GPC5: variants seen among roughly 807,000 people sequenced by gnomAD.
GPC5 encodes glypican 5, also known as glypican-5.
A neutral mutation model predicts 53.9 loss-of-function variants in GPC5; 47 were observed. The observed-to-expected ratio is 0.87, with a 90% CI of 0.69 to 1.11. The LOEUF is 1.11. Among genes scored for constraint, GPC5 ranks in the 50% most tolerant of loss-of-function variants. The pLI, the probability that GPC5 is intolerant of heterozygous loss-of-function variation, is 0.00. For synonymous variants in GPC5, 286 were observed against 263.3 expected (o/e 1.09, Z -0.84); for missense variants, 748 against 713.1 (o/e 1.05, Z -0.56).
At chr13:92,284,351 A>G (rs543225456) in intron 7 of GPC5, among the ~76,000 whole-genome samples, 5 of 152,198 alleles carry the variant, frequency 3.3e-5, no homozygotes, top group African/African-American at 9.7e-5. Context: ...AACTATTCCA[A>G]TCATTAGAAA....
At chr13:92,676,495 T>C (rs1886943031) in intron 7 of GPC5, among the ~76,000 whole-genome samples, 2 of 152,276 alleles carry the variant, frequency 1.3e-5, no homozygotes, top group South Asian at 4.1e-4. Context: ...CAAGATTTCT[T>C]CAAATAAAGA....
At chr13:91,650,750 G>GTTTTTTTTTTTTTTTGTTTTTTTTTT (rs2034683316) in intron 2 of GPC5, among the ~76,000 whole-genome samples, 1 of 99,642 alleles carries the variant, frequency 1.0e-5, no homozygotes, top group African/African-American at 4.1e-5. Flanking sequence ...ATTCCCATAA[G>GTTTTTTTTTTTTTTTGTTTTTTTTTT]TTTTTTTTTT....
chr13:91,815,106 C>T (rs1280380737), intron 5 of GPC5, among the ~76,000 whole-genome samples: 3 of 152,184 alleles, frequency 2.0e-5, no homozygotes, highest in South Asian at 2.1e-4. Context: ...TGGCTCACAC[C>T]TGTAATCCCA....
intron 7 of GPC5, among the ~76,000 whole-genome samples, chr13:92,238,192 T>G (rs1459015118): frequency 1.3e-5 from 2 of 151,982 alleles, no homozygotes; most frequent in Non-Finnish European, 2.9e-5. Context: ...AGTAGAATTT[T>G]TGGGTCATGT....
In GPC5 at chr13:91,774,803, T is replaced by A. The variant is rs537015952; in HGVS notation, c.1280+18383T>A. Among the ~76,000 whole-genome samples the A allele has an allele frequency of 2.0e-5, 3 of 152,344 alleles. No homozygotes were observed. The South Asian group carries it at 6.2e-4, about 32-fold the overall frequency. The stretch of plus-strand genomic sequence containing the variant: ...CTGCAATTTGTGTTTCATTGCTTCC[T>A]GGTGGGATCAGAGGAGACTTGACTC... On this transcript the variant is annotated intron_variant, in intron 5 of 7. Transcript: ENST00000377067.
chr13:91,621,761 T>TATATATAGATATATATA (rs11462875), intron 2 of GPC5, among the ~76,000 whole-genome samples: 2 of 46,866 alleles, frequency 4.3e-5, no homozygotes, highest in African/African-American at 1.1e-4. Context: ...GGACAGAACA[T>TATATATAGATATATATA]TATATATATA....
At chr13:92,789,005 A>T (rs1876363827) in intron 7 of GPC5, among the ~76,000 whole-genome samples, 1 of 152,166 alleles carries the variant, frequency 6.6e-6, no homozygotes, top group Non-Finnish European at 1.5e-5. Flanking sequence ...AGTGTATGGC[A>T]CACCTCTTAG....
intron 7 of GPC5, among the ~76,000 whole-genome samples, chr13:92,219,497 C>T (rs1355294129): frequency 2.0e-5 from 3 of 152,078 alleles, no homozygotes; most frequent in Non-Finnish European, 4.4e-5. Context: ...AAAGGAAAAC[C>T]CCTACTTTCC....
At chr13:92,391,951 C>T (rs916146634) in intron 7 of GPC5, among the ~76,000 whole-genome samples, 2 of 152,100 alleles carry the variant, frequency 1.3e-5, no homozygotes, top group African/African-American at 4.8e-5. Context: ...ATTACCCCGG[C>T]TTTAATGACT....
At chr13:91,841,411 C>T (rs1399199828) in intron 5 of GPC5, among the ~76,000 whole-genome samples, 2 of 149,892 alleles carry the variant, frequency 1.3e-5, no homozygotes, top group Non-Finnish European at 3.0e-5. Flanking sequence ...CTTTTGGGTT[C>T]GAGGTAGAAA....
At chr13:92,835,825 C>T (rs921843703) in intron 7 of GPC5, among the ~76,000 whole-genome samples, 3 of 151,876 alleles carry the variant, frequency 2.0e-5, no homozygotes, top group South Asian at 2.1e-4. Flanking sequence ...TCCATGACAC[C>T]CCTCTTGCCT....
chr13:92,719,167 G>GC (rs34229037), intron 7 of GPC5, among the ~76,000 whole-genome samples: 2,736 of 147,406 alleles, frequency 0.019, 56 homozygotes, highest in South Asian at 0.085. Flanking sequence ...GATTCCTATA[G>GC]CCCCCCCCCA....
chr13:92,862,787 T>A (rs1278210135), intron 7 of GPC5, among the ~76,000 whole-genome samples: 2 of 152,166 alleles, frequency 1.3e-5, no homozygotes, highest in Non-Finnish European at 2.9e-5. Context: ...ACGAGCAAAT[T>A]AACAATGTAT....
At chr13:91,922,973 A>G (rs938648323) in intron 6 of GPC5, among the ~76,000 whole-genome samples, 3 of 152,110 alleles carry the variant, frequency 2.0e-5, no homozygotes, top group Non-Finnish European at 2.9e-5. Flanking sequence ...GAATTCTGGG[A>G]TCGTAAGGTC....
chr13:92,679,346 T>C (rs757005311), intron 7 of GPC5, among the ~76,000 whole-genome samples: 8 of 152,236 alleles, frequency 5.3e-5, no homozygotes, highest in Non-Finnish European at 2.9e-5. Context: ...TTTAATTCCC[T>C]ATAAAATTCC....
intron 7 of GPC5, among the ~76,000 whole-genome samples, chr13:92,422,140 T>A (rs1000127697): frequency 1.3e-5 from 2 of 150,134 alleles, no homozygotes; most frequent in African/African-American, 4.9e-5. Context: ...CCATTTTTTT[T>A]CAAGCCCTGC....
At chr13:92,381,577 T>TG (rs1292364326) in intron 7 of GPC5, among the ~76,000 whole-genome samples, 3 of 151,698 alleles carry the variant, frequency 2.0e-5, no homozygotes, top group Admixed American at 6.6e-5. Context: ...ACAACTACTA[T>TG]GGGAAACAAC....
intron 5 of GPC5, among the ~76,000 whole-genome samples, chr13:91,889,152 G>A (rs563206760): frequency 6.6e-6 from 1 of 152,276 alleles, no homozygotes; most frequent in East Asian, 1.9e-4. Context: ...AAGGAGCTTA[G>A]TATGTAAGAT....
intron 2 of GPC5, among the ~76,000 whole-genome samples, chr13:91,461,164 G>T (rs1881905323): frequency 6.6e-6 from 1 of 152,102 alleles, no homozygotes; most frequent in Non-Finnish European, 1.5e-5. Flanking sequence ...TATAAACAAA[G>T]ATAATCGAAC....
Sources: gnomAD v4.1 joint callset for allele counts (sites outside exome capture counted in the v4.1 genomes callset) on GRCh38, gnomAD v4.1.1 for gene constraint, MANE v1.5 for transcripts, NCBI Gene and HGNC (gene_info 2026-07-23, HGNC 2026-07-21) for gene names.